Variants in TMEM8B observed in about 807,000 individuals in gnomAD.
TMEM8B encodes the protein nasopharyngeal carcinoma expressed 6.
A neutral mutation model predicts 49.3 loss-of-function variants in TMEM8B; 29 were observed. That is an observed-to-expected ratio of 0.59 (90% CI 0.44 to 0.80). The LOEUF is 0.80. TMEM8B is among the 30% of genes least tolerant of loss of function. The pLI, the probability that TMEM8B is intolerant of heterozygous loss-of-function variation, is 0.00. For synonymous variants in TMEM8B, 264 were observed against 272.8 expected, an observed-to-expected ratio of 0.97 and a Z score of 0.32; for missense variants, 575 against 658.5, an observed-to-expected ratio of 0.87 and a Z score of 1.39.
At chr9:35,849,294 T>C (rs1447282046) in intron 10 of TMEM8B, among the ~76,000 whole-genome samples, 1 of 152,196 alleles carries the variant, frequency 6.6e-6, no homozygotes, top group African/African-American at 2.4e-5. Context: ...ATCTGGAACA[T>C]AGGAGCAGAC....
Position 35,846,888 on chromosome 9 carries a change from C to T in TMEM8B, c.2068C>T (p.Leu690=), listed in dbSNP as rs757410964. The change falls in exon 10 of 13, where the codon CTG becomes TTG. Residue 690 remains leucine, a synonymous_variant. Coordinates refer to ENST00000643932, the MANE Select transcript of TMEM8B (RefSeq NM_001042590.4). Reference sequence around the variant, plus strand: ...TGGATTCCAGCTGCTGTCCACACTCCTGCTCTGCCTGAGCAACCTCATGTT... The same window carrying T: ...TGGATTCCAGCTGCTGTCCACACTCTTGCTCTGCCTGAGCAACCTCATGTT... The part of the protein sequence containing the change: ...TYGFQLLSTL[L]LCLSNLMFLP... 3.1e-5 allele frequency: 50 copies of T among 1,614,266 alleles called. No individual in the cohort carries two copies. The highest frequency in any genetic ancestry group is 3.7e-5 in the Non-Finnish European group (44 of 1,180,046).
chr9:35,854,093 C>G lies in TMEM8B; in HGVS notation c.*253C>G. 1 of 1,139,694 alleles carries G rather than the reference C, an allele frequency of 8.8e-7. No homozygotes were observed. The highest frequency in any genetic ancestry group is 1.1e-6 in the Non-Finnish European group (1 of 904,064). The allele number at this position is 1,139,694 out of a possible 1,614,324, so 70.6% of individuals were successfully genotyped here. On this transcript the variant is annotated 3_prime_UTR_variant, in exon 13 of 13. Transcript: ENST00000643932. ...TATGCAGGCACAGAGTCCCTCAGGA[C>G]CAAGGAGTCCCTCCTGCAGGTGTGG...
Position 35,846,812 on chromosome 9 carries a change from C to CGCAGGG in TMEM8B, c.1997-4_1998dup. On this transcript the variant is annotated splice_polypyrimidine_tract_variant and splice_region_variant and intron_variant, in intron 9 of 12. Coordinates refer to ENST00000643932, the MANE Select transcript of TMEM8B (RefSeq NM_001042590.4). Reference sequence around the variant, plus strand: ...TCTTCCATTCTGTGCCTTCCCCACCCGCAGGGTGGAGAGGCTGGGGCTGCA... The same window carrying CGCAGGG: ...TCTTCCATTCTGTGCCTTCCCCACCCGCAGGGGCAGGGTGGAGAGGCTGGGGCTGCA... 1 of 1,610,490 alleles carries CGCAGGG rather than the reference C, an allele frequency of 6.2e-7. No homozygotes were observed. The highest frequency in any genetic ancestry group is 8.5e-7 in the Non-Finnish European group (1 of 1,178,098).
chr9:35,835,375 C>T, intron 3 of TMEM8B, 157 bp downstream of exon 3: 1 of 398,980 alleles, frequency 2.5e-6, no homozygotes, highest in East Asian at 3.6e-5. Context: ...GCAGGTCACC[C>T]AGTGGGTCAG....
At chr9:35,850,550 C>T (rs1331443304) in intron 10 of TMEM8B, among the ~76,000 whole-genome samples, 2 of 152,128 alleles carry the variant, frequency 1.3e-5, no homozygotes. Flanking sequence ...TCTCTTTGAC[C>T]TTTTAGTATA....
chr9:35,842,718 G>A lies in TMEM8B; in HGVS notation c.1635+1G>A, dbSNP rs751990401. On this transcript the variant is annotated splice_donor_variant, in intron 6 of 12. Transcript: ENST00000643932. LOFTEE classifies it high-confidence loss of function. The surrounding 1 kb of genome is among the most constrained non-coding windows in gnomAD (Gnocchi z 5.6). Reference sequence around the variant, plus strand: ...CAGCCTGGAGCTCCAGCTCAATGCGGTACTCTTTATGGAGAGTGGGGAGGT... The same window carrying A: ...CAGCCTGGAGCTCCAGCTCAATGCGATACTCTTTATGGAGAGTGGGGAGGT... The A allele has an allele frequency of 6.2e-7, 1 of 1,610,250 alleles. No homozygotes were observed. The highest frequency in any genetic ancestry group is 1.7e-5 in the Admixed American group (1 of 59,662).
At chr9:35,851,338 T>C (rs1278001164) in intron 10 of TMEM8B, among the ~76,000 whole-genome samples, 1 of 146,374 alleles carries the variant, frequency 6.8e-6, no homozygotes, top group Non-Finnish European at 1.5e-5. Context: ...GAGATGGGGG[T>C]TTCACCATGT....
intron 10 of TMEM8B, chr9:35,847,236 G>C: frequency 8.0e-7 from 1 of 1,246,246 alleles, no homozygotes; most frequent in Non-Finnish European, 1.2e-6. Context: ...TGGGCCTCCA[G>C]CTGTTCCACA....
chr9:35,833,370 C>T (rs1830103999), intron 1 of TMEM8B: 8 of 985,270 alleles, frequency 8.1e-6, no homozygotes, highest in South Asian at 4.7e-5. Context: ...CTGGCTGGTC[C>T]GAAGTCTCCA....
chr9:35,847,316 G>A (rs564774498), intron 10 of TMEM8B: 2 of 663,042 alleles, frequency 3.0e-6, no homozygotes, highest in African/African-American at 3.6e-5. Flanking sequence ...CTAAAGTATG[G>A]ATTTGTGTCT....
rs898849711 is a variant in TMEM8B at position 35,856,746 on chromosome 9, G to C, written c.*2906G>C. ...ACTGATTGGGTGTGTGGGGTGGTGA[G>C]GTATGAGAGAGCCTAGGATGATGGT... is the stretch of plus-strand genomic sequence containing the variant. On this transcript the variant is annotated 3_prime_UTR_variant, in exon 13 of 13. Coordinates refer to ENST00000643932, the MANE Select transcript of TMEM8B (RefSeq NM_001042590.4). 1 of 152,310 alleles carries C rather than the reference G, an allele frequency of 6.6e-6. No homozygotes were observed. The highest frequency in any genetic ancestry group is 1.5e-5 in the Non-Finnish European group (1 of 68,056). 9.4% of individuals were successfully genotyped at this position (152,310 alleles called of 1,614,324 possible).
At chr9:35,849,638 C>T (rs1831962461) in intron 10 of TMEM8B, among the ~76,000 whole-genome samples, 1 of 152,214 alleles carries the variant, frequency 6.6e-6, no homozygotes, top group South Asian at 2.1e-4. Context: ...GATGATATTG[C>T]TCCCTTTGCA....
At chr9:35,831,583 G>A (rs1180032823) in intron 1 of TMEM8B, among the ~76,000 whole-genome samples, 2 of 152,234 alleles carry the variant, frequency 1.3e-5, no homozygotes, top group Non-Finnish European at 2.9e-5. Flanking sequence ...GTTTTGGTAA[G>A]GGGAAGTTTA....
chr9:35,850,569 ATAAT>A (rs1352511544), intron 10 of TMEM8B, among the ~76,000 whole-genome samples: 1 of 152,208 alleles, frequency 6.6e-6, no homozygotes, highest in Admixed American at 6.5e-5. Context: ...TACCTGGAAA[ATAAT>A]TAGTCGTAAA....
chr9:35,846,408 C>T, intron 8 of TMEM8B, 27 bp downstream of exon 8: 1 of 1,604,548 alleles, frequency 6.2e-7, no homozygotes, highest in Non-Finnish European at 8.5e-7. Context: ...GGGGCCAGGG[C>T]TGGGACCGGG....
Position 35,853,047 on chromosome 9 carries a change from G to A in TMEM8B, c.2322+74G>A. 6.2e-7 allele frequency: 1 copy of A among 1,610,350 alleles called. No homozygotes were observed. The highest frequency in any genetic ancestry group is 1.7e-5 in the Admixed American group (1 of 59,818). On this transcript the variant is annotated intron_variant, in intron 11 of 12. Transcript: ENST00000643932. The surrounding 1 kb of genome is among the most constrained non-coding windows in gnomAD (Gnocchi z 4.2). The stretch of plus-strand genomic sequence containing the variant: ...AAATCCACTCCTGACCTCTCCCTGG[G>A]GGCATTTCCAAGTGCCTCTCATGAT...
chr9:35,843,195 A>C lies in TMEM8B; in HGVS notation c.1635+478A>C, dbSNP rs187778967. On this transcript the variant is annotated intron_variant, in intron 6 of 12. Transcript: ENST00000643932. ...TCCAGAAGCCATTTCCAGTAAATCT[A>C]TCTCTGTCCTGTTCTTTTTTAAAGC... Among the ~76,000 whole-genome samples the C allele has an allele frequency of 8.5e-5, 13 of 152,220 alleles. No individual in the cohort carries two copies. The East Asian group carries it at 2.5e-3, about 29-fold the overall frequency.
intron 10 of TMEM8B, among the ~76,000 whole-genome samples, chr9:35,848,678 T>TC (rs1409780188): frequency 6.7e-6 from 1 of 148,750 alleles, no homozygotes; most frequent in South Asian, 2.1e-4. Context: ...TTTTTTTCTT[T>TC]TTTTTTTTTT....
Position 35,852,812 on chromosome 9 carries a change from C to T in TMEM8B, c.2176-15C>T, listed in dbSNP as rs1832272392. On this transcript the variant is annotated splice_polypyrimidine_tract_variant and intron_variant, in intron 10 of 12. Coordinates refer to ENST00000643932, the MANE Select transcript of TMEM8B (RefSeq NM_001042590.4). ...TGCCTCAAGTTCTCTCAATGCCTGT[C>T]ATTTCTTCCTTCAGTTCTATCATGC... 3 of 1,614,078 alleles carry T rather than the reference C, an allele frequency of 1.9e-6. No homozygotes were observed. The highest frequency in any genetic ancestry group is 2.5e-6 in the Non-Finnish European group (3 of 1,180,014).
Sources: allele counts gnomAD v4.1 joint callset (sites outside exome capture counted in the v4.1 genomes callset), GRCh38; gene constraint gnomAD v4.1.1; non-coding constraint Gnocchi (gnomAD v3.1); transcripts MANE v1.5; gene names NCBI Gene and HGNC (gene_info 2026-07-23, HGNC 2026-07-21).